The following NDST4 variants were observed in gnomAD, a reference collection of about 807,000 sequenced individuals.
The protein encoded by NDST4 is N-deacetylase and N-sulfotransferase 4.
Under a neutral mutation model 100.8 loss-of-function variants are expected in NDST4, and 63 were observed. The observed-to-expected ratio is 0.62, with a 90% CI of 0.51 to 0.77. NDST4 has a LOEUF of 0.77. Among genes scored for constraint, NDST4 ranks in the 30% least tolerant of loss-of-function variants. NDST4 has a pLI of 0.00. For synonymous variants in NDST4, 377 were observed against 361.8 expected (o/e 1.04, Z -0.48); for missense variants, 943 against 1,018.4 (o/e 0.93, Z 1.01).
intron 2 of NDST4, among the ~76,000 whole-genome samples, chr4:114,997,675 T>C (rs1418891875): frequency 6.6e-6 from 1 of 152,114 alleles, no homozygotes; most frequent in Non-Finnish European, 1.5e-5. Context: ...TTATTTATCT[T>C]CATGTTTCTC....
intron 1 of NDST4, among the ~76,000 whole-genome samples, chr4:115,103,376 T>A (rs984512907): frequency 6.6e-6 from 1 of 152,174 alleles, no homozygotes; most frequent in African/African-American, 2.4e-5. Flanking sequence ...CCCACATTTT[T>A]AAATTAATTA....
chr4:114,929,040 C>CCG lies in NDST4; in HGVS notation c.1536+6165_1536+6166insCG, dbSNP rs1560816890. Among the ~76,000 whole-genome samples the CCG allele has an allele frequency of 3.8e-3, 556 of 144,438 alleles. 7 individuals carry two copies. The highest frequency in any genetic ancestry group is 0.012 in the African/African-American group (447 of 38,406). 94.8% of individuals were successfully genotyped at this position (144,438 alleles called of 152,430 possible). On this transcript the variant is annotated intron_variant, in intron 6 of 13. Transcript: ENST00000264363. ...CCTATCTATCTGTCTGTCTGTCTGT[C>CCG]TGTCCGTCCGTCCGTCCGTCCGTCC... is the stretch of plus-strand genomic sequence containing the variant.
chr4:115,103,064 A>C (rs1044630361), intron 1 of NDST4, among the ~76,000 whole-genome samples: 1 of 151,988 alleles, frequency 6.6e-6, no homozygotes, highest in Admixed American at 6.6e-5. Context: ...CTGTCCAAAA[A>C]TTTGGATCAT....
intron 7 of NDST4, among the ~76,000 whole-genome samples, chr4:114,865,087 CG>C (rs1469988461): frequency 6.8e-6 from 1 of 147,570 alleles, no homozygotes; most frequent in Non-Finnish European, 1.5e-5. Flanking sequence ...TTTTTTGAGA[CG>C]GAGTCTCACT....
rs184810628 is a variant in NDST4, at chr4:115,023,146, C to A, written c.979-45872G>T. Among the ~76,000 whole-genome samples the A allele has an allele frequency of 2.0e-4, 30 of 152,120 alleles. 1 individual carries two copies. Among genetic ancestry groups the A allele is most frequent in the East Asian group, 1.4e-3 (7 of 5,154 alleles). ...TACAAAATGGGTGCAGTGTATACTG[C>A]TTGGGTGATGGGTGCACCAAAATCT... On this transcript the variant is annotated intron_variant, in intron 2 of 13. Transcript: ENST00000264363.
intron 2 of NDST4, among the ~76,000 whole-genome samples, chr4:115,007,535 T>C (rs985411010): frequency 3.9e-5 from 6 of 152,258 alleles, no homozygotes; most frequent in African/African-American, 1.4e-4. Context: ...TCGGTTGTTT[T>C]TTGTTGGTTT....
chr4:114,951,347 G>C (rs1206895573), intron 4 of NDST4, among the ~76,000 whole-genome samples: 1 of 152,006 alleles, frequency 6.6e-6, no homozygotes, highest in Non-Finnish European at 1.5e-5. Context: ...TGGATAGATG[G>C]AGAATTGCAA....
Position 115,076,586 on chromosome 4 carries a change from C to T in NDST4, c.451G>A (p.Glu151Lys), listed in dbSNP as rs1186489148. Residue 151 changes from glutamate (E) to lysine (K), a missense_variant, in exon 2 of 14, where the codon GAA becomes AAA. Transcript: ENST00000264363. ...ACACTGTATTCCACACAGTATTTTT[C>T]TAAAAGCTCTCGATTCCATGAGTCC... ...SMDSWNRELL[E>K]KYCVEYSVSI... is the part of the protein sequence containing the mutation. 15 of 1,613,798 alleles carry T rather than the reference C, an allele frequency of 9.3e-6. No homozygotes were observed. The highest frequency in any genetic ancestry group is 1.3e-5 in the Non-Finnish European group (15 of 1,179,940).
At chr4:114,851,179 A>G (rs1370631178) in intron 8 of NDST4, among the ~76,000 whole-genome samples, 2 of 152,184 alleles carry the variant, frequency 1.3e-5, no homozygotes, top group Non-Finnish European at 2.9e-5. Context: ...GATTGGCAGC[A>G]CGTATTTGTG....
chr4:114,836,584 A>C lies in NDST4; in HGVS notation c.2286+2794T>G, dbSNP rs1052558941. 3.3e-5 allele frequency among the ~76,000 whole-genome samples: 5 copies of C among 151,998 alleles called. No individual in the cohort carries two copies. In the East Asian group the frequency reaches 5.8e-4, roughly 18 times the overall value. ...CGTTTCAACCTTGGAGAATCTGATGATTATGTGTCTTAGGGTTGGTCTTCT... is the reference window on the plus strand; with the variant it reads ...CGTTTCAACCTTGGAGAATCTGATGCTTATGTGTCTTAGGGTTGGTCTTCT... On this transcript the variant is annotated intron_variant, in intron 11 of 13. Transcript: ENST00000264363.
intron 1 of NDST4, among the ~76,000 whole-genome samples, chr4:115,091,218 A>G (rs1469466539): frequency 1.3e-5 from 2 of 152,078 alleles, no homozygotes; most frequent in African/African-American, 4.8e-5. Context: ...AGTATATACA[A>G]TAATATGCAT....
At chr4:114,874,185 T>C (rs949916971) in intron 6 of NDST4, among the ~76,000 whole-genome samples, 8 of 152,168 alleles carry the variant, frequency 5.3e-5, no homozygotes, top group South Asian at 2.1e-4. Context: ...GAGAGTATCA[T>C]AAAGAGTATT....
chr4:114,984,467 C>T (rs1195478089), intron 2 of NDST4, among the ~76,000 whole-genome samples: 1 of 152,046 alleles, frequency 6.6e-6, no homozygotes. Flanking sequence ...CGGCGCCAGG[C>T]CTAATACAGT....
chr4:115,091,163 G>A (rs1729511605), intron 1 of NDST4, among the ~76,000 whole-genome samples: 1 of 151,698 alleles, frequency 6.6e-6, no homozygotes, highest in Admixed American at 6.6e-5. Context: ...GATACATCTT[G>A]GTTTCAAATT....
intron 2 of NDST4, among the ~76,000 whole-genome samples, chr4:115,053,531 C>T (rs1483759713): frequency 6.6e-6 from 1 of 152,014 alleles, no homozygotes; most frequent in Non-Finnish European, 1.5e-5. Context: ...ATTCTCAGTC[C>T]TTGCACTCTG....
chr4:114,882,002 G>T (rs1425118523), intron 6 of NDST4, among the ~76,000 whole-genome samples: 1 of 151,816 alleles, frequency 6.6e-6, no homozygotes, highest in Non-Finnish European at 1.5e-5. Context: ...TCCCTCAAAT[G>T]TCAAGGGAGT....
At chr4:115,050,245 A>G (rs947220526) in intron 2 of NDST4, among the ~76,000 whole-genome samples, 6 of 152,136 alleles carry the variant, frequency 3.9e-5, no homozygotes, top group Non-Finnish European at 7.4e-5. Flanking sequence ...GGAGAATCAG[A>G]ATCCTCAAAC....
intron 6 of NDST4, 141 bp from the exon 7 acceptor site, chr4:114,871,091 T>A (rs1724139019): frequency 5.5e-6 from 3 of 541,870 alleles, no homozygotes; most frequent in East Asian, 6.6e-5. Context: ...AGCCACACAT[T>A]TAATTTTCAT....
At chr4:115,112,090 C>T (rs1183119681) in intron 1 of NDST4, among the ~76,000 whole-genome samples, 4 of 151,486 alleles carry the variant, frequency 2.6e-5, no homozygotes, top group Non-Finnish European at 5.9e-5. Flanking sequence ...CACACACACA[C>T]ACACGCACAC....
Sources: gnomAD v4.1 joint callset for allele counts (sites outside exome capture counted in the v4.1 genomes callset) on GRCh38, gnomAD v4.1.1 for gene constraint, MANE v1.5 for transcripts, NCBI Gene and HGNC (gene_info 2026-07-23, HGNC 2026-07-21) for gene names.